SYNDIG1L: variants seen among roughly 807,000 people sequenced by gnomAD.
The protein encoded by SYNDIG1L is synapse differentiation-inducing gene protein 1-like.
SYNDIG1L carries 13 observed loss-of-function variants against 20.1 expected under a neutral mutation model. The ratio of observed to expected loss-of-function variants is 0.65; its 90% CI spans 0.42 to 1.03. The LOEUF (loss-of-function observed/expected upper bound fraction) is 1.03, where lower values mean the gene tolerates loss of function less well. Ranked by LOEUF, SYNDIG1L falls within the 50% of genes least tolerant of loss-of-function variation. SYNDIG1L has a pLI of 0.00. For synonymous variants in SYNDIG1L, 128 were observed against 129.3 expected (o/e 0.99, Z 0.07); for missense variants, 294 against 305.1 (o/e 0.96, Z 0.27).
the SYNDIG1L span, among the ~76,000 whole-genome samples, chr14:74,443,387 G>A: frequency 6.6e-6 from 1 of 152,236 alleles, no homozygotes; most frequent in Admixed American, 6.5e-5. Flanking sequence ...AATCACTGGT[G>A]ACCTTAGCGA....
rs138268452 is a variant in SYNDIG1L, at chr14:74,415,353, T to C, written c.-57-5552A>G. On this transcript the variant is annotated intron_variant, in intron 1 of 3. Transcript: ENST00000331628. The stretch of plus-strand genomic sequence containing the variant: ...CAGGGAGGACCTGTTAAACCTGGAT[T>C]GCTGGATTTTACCCTAACGGTTTAT... Among the ~76,000 whole-genome samples the C allele has an allele frequency of 2.0e-5, 3 of 152,230 alleles. No homozygotes were observed. The East Asian group carries it at 5.8e-4, about 29-fold the overall frequency.
At chr14:74,459,000 C>A in the SYNDIG1L span, among the ~76,000 whole-genome samples, 1 of 152,060 alleles carries the variant, frequency 6.6e-6, no homozygotes, top group Non-Finnish European at 1.5e-5. Flanking sequence ...TGTGGCAGGA[C>A]CCGCACAGCA....
the SYNDIG1L span, among the ~76,000 whole-genome samples, chr14:74,434,757 C>T: frequency 1.3e-5 from 2 of 151,674 alleles, no homozygotes; most frequent in Admixed American, 6.6e-5. Context: ...TTATAGAAAC[C>T]ATTTTCTTCA....
chr14:74,416,410 G>A lies in SYNDIG1L; in HGVS notation c.-57-6609C>T, dbSNP rs188045772. Among the ~76,000 whole-genome samples the A allele has an allele frequency of 1.6e-3, 248 of 152,238 alleles. 1 individual carries two copies. The highest frequency in any genetic ancestry group is 5.7e-3 in the African/African-American group (238 of 41,546). On this transcript the variant is annotated intron_variant, in intron 1 of 3. Transcript: ENST00000331628. ...GTATTTTGGGAGGCCAAGGTGGGTG[G>A]ATCAGTTGAGCCTAGGAGTTCAAGA...
At chr14:74,413,074 T>G (rs1423332026) in intron 1 of SYNDIG1L, among the ~76,000 whole-genome samples, 1 of 152,190 alleles carries the variant, frequency 6.6e-6, no homozygotes, top group Non-Finnish European at 1.5e-5. Flanking sequence ...GAAAGATACC[T>G]GAAGACCATA....
the SYNDIG1L span, among the ~76,000 whole-genome samples, chr14:74,445,338 C>T: frequency 6.6e-6 from 1 of 152,114 alleles, no homozygotes; most frequent in Non-Finnish European, 1.5e-5. Context: ...ATTACCCAGT[C>T]TCTGGTATTC....
At chr14:74,425,520 C>T (rs910536887) in intron 1 of SYNDIG1L, among the ~76,000 whole-genome samples, 2 of 152,072 alleles carry the variant, frequency 1.3e-5, no homozygotes, top group Admixed American at 6.5e-5. Context: ...GGTTTGGGTG[C>T]GAGAAGAGGG....
At chr14:74,449,189 C>T in the SYNDIG1L span, among the ~76,000 whole-genome samples, 11 of 150,708 alleles carry the variant, frequency 7.3e-5, 1 homozygote, top group East Asian at 3.9e-4. Context: ...GTCAAGATCA[C>T]GCCACTGCAG....
chr14:74,464,541 T>C, the SYNDIG1L span, among the ~76,000 whole-genome samples: 1 of 152,140 alleles, frequency 6.6e-6, no homozygotes, highest in African/African-American at 2.4e-5. Flanking sequence ...TCTGGGAGAC[T>C]GTACTACATT....
At chr14:74,475,232 T>C in the SYNDIG1L span, among the ~76,000 whole-genome samples, 3 of 151,564 alleles carry the variant, frequency 2.0e-5, no homozygotes, top group African/African-American at 7.3e-5. Flanking sequence ...ATAATAATAC[T>C]AACGACCTTT....
At chr14:74,440,057 G>A in the SYNDIG1L span, among the ~76,000 whole-genome samples, 62 of 151,968 alleles carry the variant, frequency 4.1e-4, 1 homozygote, top group Non-Finnish European at 6.8e-4. Context: ...ATTACACATA[G>A]TCTACCATGG....
chr14:74,414,277 C>T (rs2086157441), intron 1 of SYNDIG1L, among the ~76,000 whole-genome samples: 1 of 152,198 alleles, frequency 6.6e-6, no homozygotes, highest in Non-Finnish European at 1.5e-5. Flanking sequence ...CCTGTGTGTA[C>T]TCTGCTCCAG....
Position 74,425,534 on chromosome 14 carries a change from CT to C in SYNDIG1L, c.-58+377del, listed in dbSNP as rs200033224. On this transcript the variant is annotated intron_variant, in intron 1 of 3. Coordinates refer to ENST00000331628, the MANE Select transcript of SYNDIG1L (RefSeq NM_001105579.2). ...AGGTTTGGGTGCGAGAAGAGGGGAG[CT>C]TAGTGAAGCCTGCTCAGATTTTGCT... Among the ~76,000 whole-genome samples, 1,046 of 152,310 alleles carry C rather than the reference CT, an allele frequency of 6.9e-3. 13 individuals carry two copies. The highest frequency in any genetic ancestry group is 0.023 in the African/African-American group (956 of 41,556).
chr14:74,418,147 G>C (rs2086191986), intron 1 of SYNDIG1L, among the ~76,000 whole-genome samples: 1 of 152,248 alleles, frequency 6.6e-6, no homozygotes, highest in South Asian at 2.1e-4. Context: ...AAACTGTGAA[G>C]TGTTGTGACT....
At chr14:74,428,165 C>A (rs754222562), upstream of SYNDIG1L, among the ~76,000 whole-genome samples, 1 of 152,226 alleles carries the variant, frequency 6.6e-6, no homozygotes, top group Non-Finnish European at 1.5e-5. Context: ...CTTAGGCAGT[C>A]GCCTAATCTT....
rs752342196 is a variant in SYNDIG1L at position 74,409,314 on chromosome 14, C to A, written c.417+14G>T. On this transcript the variant is annotated intron_variant, in intron 2 of 3. Coordinates refer to ENST00000331628, the MANE Select transcript of SYNDIG1L (RefSeq NM_001105579.2). ...GCTCATGCTGGAATCTGCATTTTAA[C>A]CTCATGCACTCACCTCCTCTTCCTC... 18 of 1,457,754 alleles carry A rather than the reference C, an allele frequency of 1.2e-5. No homozygotes were observed. The highest frequency in any genetic ancestry group is 9.5e-5 in the Admixed American group (4 of 42,040). The allele number at this position is 1,457,754 out of a possible 1,614,324, so 90.3% of individuals were successfully genotyped here.
the SYNDIG1L span, among the ~76,000 whole-genome samples, chr14:74,434,810 G>C: frequency 2.6e-5 from 4 of 151,548 alleles, no homozygotes; most frequent in African/African-American, 9.7e-5. Flanking sequence ...GGCTGGGCGC[G>C]GTGGCTCACA....
chr14:74,431,819 C>T, the SYNDIG1L span, among the ~76,000 whole-genome samples: 7 of 152,156 alleles, frequency 4.6e-5, no homozygotes, highest in Middle Eastern at 3.2e-3. Flanking sequence ...CCAACTTCTC[C>T]GCTAGATCAG....
At chr14:74,478,002 T>C in the SYNDIG1L span, among the ~76,000 whole-genome samples, 1 of 152,242 alleles carries the variant, frequency 6.6e-6, no homozygotes, top group African/African-American at 2.4e-5. Context: ...AGCCCCGCGA[T>C]GGCTGGCAAA....
Sources: gnomAD v4.1 joint callset for allele counts (sites outside exome capture counted in the v4.1 genomes callset) on GRCh38, gnomAD v4.1.1 for gene constraint, MANE v1.5 for transcripts, NCBI Gene and HGNC (gene_info 2026-07-23, HGNC 2026-07-21) for gene names.